The following MCTP1 variants were observed in gnomAD, a reference collection of about 807,000 sequenced individuals.
MCTP1 encodes multiple C2 and transmembrane domain containing 1, also known as multiple C2 and transmembrane domain-containing protein 1.
Under a neutral mutation model 120.6 loss-of-function variants are expected in MCTP1, and 69 were observed. The ratio of observed to expected loss-of-function variants is 0.57; its 90% CI spans 0.47 to 0.70. The LOEUF (loss-of-function observed/expected upper bound fraction) is 0.70, where lower values mean the gene tolerates loss of function less well. Among genes scored for constraint, MCTP1 ranks in the 30% least tolerant of loss-of-function variants. MCTP1 has a pLI of 0.00. For missense variants in MCTP1, 1,203 were observed against 1,248.8 expected (o/e 0.96, Z 0.55); for synonymous variants, 529 against 493.1 (o/e 1.07, Z -0.96).
intron 12 of MCTP1, among the ~76,000 whole-genome samples, chr5:94,876,796 G>A (rs1798967043): frequency 6.6e-6 from 1 of 151,972 alleles, no homozygotes; most frequent in Admixed American, 6.6e-5. Flanking sequence ...CAGCTAGGAA[G>A]GAAATCAGCG....
rs368284176 is a variant in MCTP1 at position 94,928,829 on chromosome 5, G to A, written c.1212+3124C>T. On this transcript the variant is annotated intron_variant, in intron 6 of 22. Coordinates refer to ENST00000515393, the MANE Select transcript of MCTP1 (RefSeq NM_024717.7). The stretch of plus-strand genomic sequence containing the variant: ...TTACTAAGTGGTAATACAATTACCC[G>A]CCCCCCACCTCCAAAAAGAAAAAAT... 1.6e-4 allele frequency among the ~76,000 whole-genome samples: 24 copies of A among 151,592 alleles called. 3 individuals carry two copies. The highest frequency in any genetic ancestry group is 5.1e-4 in the African/African-American group (21 of 41,298).
intron 19 of MCTP1, among the ~76,000 whole-genome samples, chr5:94,723,436 T>A (rs574366962): frequency 6.6e-6 from 1 of 152,320 alleles, no homozygotes; most frequent in South Asian, 2.1e-4. Context: ...ATTTTATGCA[T>A]GTTTAGTTTT....
chr5:94,816,918 T>C (rs560954605), intron 17 of MCTP1, among the ~76,000 whole-genome samples: 1 of 152,150 alleles, frequency 6.6e-6, no homozygotes, highest in Non-Finnish European at 1.5e-5. Flanking sequence ...CATTAAAAAA[T>C]GTTATTTTCT....
intron 1 of MCTP1, among the ~76,000 whole-genome samples, chr5:95,138,558 G>T (rs547088773): frequency 6.6e-6 from 1 of 152,246 alleles, no homozygotes; most frequent in East Asian, 1.9e-4. Context: ...TTAAAGAGAG[G>T]TTTCCTGGAA....
chr5:95,251,512 C>T (rs914368457), intron 1 of MCTP1, among the ~76,000 whole-genome samples: 14 of 152,106 alleles, frequency 9.2e-5, no homozygotes, highest in African/African-American at 3.4e-4. Context: ...TTTTTAAACA[C>T]GTTTCTCAAA....
intron 1 of MCTP1, among the ~76,000 whole-genome samples, chr5:95,229,720 G>A (rs1754699202): frequency 6.7e-6 from 1 of 150,276 alleles, no homozygotes. Context: ...CAGCCTGGGT[G>A]ACAGAATGAG....
chr5:94,756,486 T>A (rs533450085), intron 19 of MCTP1, among the ~76,000 whole-genome samples: 1 of 152,304 alleles, frequency 6.6e-6, no homozygotes, highest in African/African-American at 2.4e-5. Flanking sequence ...CAACGAGGTG[T>A]CATCTATAGC....
chr5:94,910,692 T>A (rs1302266336), intron 9 of MCTP1, among the ~76,000 whole-genome samples: 1 of 151,764 alleles, frequency 6.6e-6, no homozygotes, highest in Non-Finnish European at 1.5e-5. Context: ...TAAAAATAAG[T>A]AATGTTTTTA....
chr5:95,193,452 A>G (rs1289756607), intron 1 of MCTP1, among the ~76,000 whole-genome samples: 1 of 152,244 alleles, frequency 6.6e-6, no homozygotes, highest in Non-Finnish European at 1.5e-5. Flanking sequence ...TAAAAAGTAC[A>G]GGATGAGGTT....
At chr5:95,223,369 C>T (rs1753899442) in intron 1 of MCTP1, among the ~76,000 whole-genome samples, 2 of 152,000 alleles carry the variant, frequency 1.3e-5, no homozygotes, top group South Asian at 2.1e-4. Flanking sequence ...GGAGAATCAC[C>T]TGAACCGGGA....
At chr5:94,880,549 CT>C (rs1305258571) in intron 12 of MCTP1, among the ~76,000 whole-genome samples, 1 of 152,064 alleles carries the variant, frequency 6.6e-6, no homozygotes, top group African/African-American at 2.4e-5. Context: ...GTCTTTGTCT[CT>C]TTATTCCTCT....
intron 1 of MCTP1, among the ~76,000 whole-genome samples, chr5:95,276,103 G>T (rs886929077): frequency 2.6e-5 from 4 of 151,974 alleles, no homozygotes; most frequent in Non-Finnish European, 5.9e-5. Context: ...AGGATTTGGG[G>T]TTTTTTAACT....
chr5:95,033,625 T>C (rs1405251611), intron 1 of MCTP1, among the ~76,000 whole-genome samples: 1 of 152,038 alleles, frequency 6.6e-6, no homozygotes, highest in Non-Finnish European at 1.5e-5. Flanking sequence ...AACATCACAC[T>C]GAATGGGCAC....
At chr5:95,051,674 G>C (rs1042275916) in intron 1 of MCTP1, among the ~76,000 whole-genome samples, 8 of 152,094 alleles carry the variant, frequency 5.3e-5, no homozygotes, top group Non-Finnish European at 1.2e-4. Flanking sequence ...CTATGCCACT[G>C]CACATTATTT....
chr5:94,992,032 A>G (rs930244641), intron 2 of MCTP1, among the ~76,000 whole-genome samples: 3 of 152,190 alleles, frequency 2.0e-5, no homozygotes, highest in African/African-American at 7.2e-5. Flanking sequence ...TGTTGGAGTG[A>G]TACAAAGGCA....
intron 17 of MCTP1, among the ~76,000 whole-genome samples, chr5:94,824,438 C>T (rs937455601): frequency 3.3e-5 from 5 of 152,142 alleles, no homozygotes; most frequent in South Asian, 2.1e-4. Flanking sequence ...CTGCTGGATT[C>T]GTTTTGCCAG....
At chr5:95,214,477 A>G (rs1257569277) in intron 1 of MCTP1, among the ~76,000 whole-genome samples, 2 of 152,114 alleles carry the variant, frequency 1.3e-5, no homozygotes, top group Admixed American at 6.5e-5. Context: ...GGGATCTAGA[A>G]CTAGAAATAC....
At chr5:94,817,356 C>T (rs146135510) in intron 17 of MCTP1, among the ~76,000 whole-genome samples, 167 of 152,156 alleles carry the variant, frequency 1.1e-3, no homozygotes, top group African/African-American at 3.8e-3. Flanking sequence ...TGCAGTGAGC[C>T]GAGATCGCGC....
At chr5:94,869,424 A>G (rs952673237) in intron 16 of MCTP1, among the ~76,000 whole-genome samples, 1 of 152,034 alleles carries the variant, frequency 6.6e-6, no homozygotes, top group South Asian at 2.1e-4. Flanking sequence ...CCTTGCTGGC[A>G]AAGTAGAGTC....
Sources: allele counts gnomAD v4.1 joint callset (sites outside exome capture counted in the v4.1 genomes callset), GRCh38; gene constraint gnomAD v4.1.1; transcripts MANE v1.5; gene names NCBI Gene and HGNC (gene_info 2026-07-23, HGNC 2026-07-21).